The following KMT2C variants were observed in gnomAD, a reference collection of about 807,000 sequenced individuals.
KMT2C encodes lysine methyltransferase 2C.
KMT2C carries 88 observed loss-of-function variants against 507.9 expected under a neutral mutation model. That is an observed-to-expected ratio of 0.17 (90% CI 0.15 to 0.21). KMT2C has a LOEUF of 0.21. KMT2C is among the 10% of genes least tolerant of loss of function. The probability of loss-of-function intolerance (pLI) is 1.00; values close to 1 mark genes in which losing one functional copy is unlikely to be tolerated. For missense variants in KMT2C, 4,954 were observed against 5,957.8 expected (o/e 0.83, Z 5.55); for synonymous variants, 2,049 against 2,080.8 (o/e 0.98, Z 0.42).
intron 6 of KMT2C, among the ~76,000 whole-genome samples, chr7:152,295,894 G>A (rs904724725): frequency 3.3e-5 from 5 of 151,312 alleles, no homozygotes; most frequent in African/African-American, 4.9e-5. Context: ...GTGAAACCCC[G>A]TCTCTACTAA....
chr7:152,371,036 CTAAAAACA>C (rs1407885966), intron 1 of KMT2C, among the ~76,000 whole-genome samples: 2 of 152,084 alleles, frequency 1.3e-5, no homozygotes, highest in Non-Finnish European at 1.5e-5. Flanking sequence ...CAAAAGAACT[CTAAAAACA>C]TAAAAACATA....
At position 152,327,696 on chromosome 7, in the gene KMT2C, C is replaced by T. The variant is rs28642936; in HGVS notation, c.389+2905G>A. On this transcript the variant is annotated intron_variant, in intron 3 of 58. Coordinates refer to ENST00000262189, the MANE Select transcript of KMT2C (RefSeq NM_170606.3). Reference sequence around the variant, plus strand: ...ATATTGGGCCGGGCGCGGTGACTCACGCCTGTACTCCCAACACTTTGGGAG... The same window carrying T: ...ATATTGGGCCGGGCGCGGTGACTCATGCCTGTACTCCCAACACTTTGGGAG... 9.6e-3 allele frequency among the ~76,000 whole-genome samples: 1,455 copies of T among 152,190 alleles called. 26 individuals are homozygous for T. Among genetic ancestry groups the T allele is most frequent in the African/African-American group, 0.033 (1,368 of 41,546 alleles).
chr7:152,270,512 C>T (rs1444995093), intron 7 of KMT2C, among the ~76,000 whole-genome samples: 1 of 152,136 alleles, frequency 6.6e-6, no homozygotes, highest in Non-Finnish European at 1.5e-5. Context: ...AGCCTTTGTT[C>T]GCCTTGATGA....
At chr7:152,209,450 G>A (rs767275179) in intron 23 of KMT2C, among the ~76,000 whole-genome samples, 6 of 113,690 alleles carry the variant, frequency 5.3e-5, no homozygotes, top group African/African-American at 1.7e-4. Context: ...GCGGGACTCC[G>A]TCTCAAAAAA....
chr7:152,247,315 T>C (rs2095487264), intron 14 of KMT2C, among the ~76,000 whole-genome samples: 1 of 152,192 alleles, frequency 6.6e-6, no homozygotes, highest in African/African-American at 2.4e-5. Context: ...AAGGAAGATT[T>C]ATCTTTACTT....
chr7:152,414,536 GAAA>G (rs1225906501), intron 1 of KMT2C, among the ~76,000 whole-genome samples: 2 of 151,692 alleles, frequency 1.3e-5, no homozygotes, highest in Admixed American at 1.3e-4. Flanking sequence ...CTCAAAAAAA[GAAA>G]GAAACACACA....
intron 20 of KMT2C, among the ~76,000 whole-genome samples, chr7:152,223,411 C>T (rs1232613775): frequency 6.6e-6 from 1 of 151,916 alleles, no homozygotes; most frequent in Non-Finnish European, 1.5e-5. Context: ...GATTCAGAAA[C>T]CCTTCATAAG....
intron 9 of KMT2C, among the ~76,000 whole-genome samples, chr7:152,255,987 G>A (rs1351113250): frequency 2.0e-5 from 3 of 152,152 alleles, no homozygotes; most frequent in African/African-American, 4.8e-5. Flanking sequence ...TGGCCAACAT[G>A]GCAAAACCCT....
At chr7:152,415,176 T>A (rs2097722122) in intron 1 of KMT2C, among the ~76,000 whole-genome samples, 1 of 152,164 alleles carries the variant, frequency 6.6e-6, no homozygotes, top group African/African-American at 2.4e-5. Flanking sequence ...TTATTACTAG[T>A]CCTAGATTAT....
chr7:152,250,374 T>C (rs1250255023), intron 12 of KMT2C, among the ~76,000 whole-genome samples: 2 of 152,114 alleles, frequency 1.3e-5, no homozygotes, highest in African/African-American at 4.8e-5. Context: ...CAAGTAGTTT[T>C]CCCCCAACAT....
intron 1 of KMT2C, among the ~76,000 whole-genome samples, chr7:152,373,394 G>A (rs1303637752): frequency 6.6e-6 from 1 of 152,072 alleles, no homozygotes; most frequent in Non-Finnish European, 1.5e-5. Context: ...CTATAACTCA[G>A]GACAAAAATA....
At chr7:152,166,208 T>C (rs1355747778) in intron 42 of KMT2C, among the ~76,000 whole-genome samples, 1 of 150,222 alleles carries the variant, frequency 6.7e-6, no homozygotes, top group Admixed American at 6.6e-5. Context: ...CCACAACCTC[T>C]GACTCCTTGG....
At chr7:152,174,533 A>C (rs541058927) in intron 38 of KMT2C, among the ~76,000 whole-genome samples, 1 of 152,242 alleles carries the variant, frequency 6.6e-6, no homozygotes, top group African/African-American at 2.4e-5. Flanking sequence ...TTGCAATGCT[A>C]ATCAGAATGG....
At chr7:152,216,865 A>T (rs1483593236) in intron 23 of KMT2C, among the ~76,000 whole-genome samples, 1 of 152,224 alleles carries the variant, frequency 6.6e-6, no homozygotes, top group South Asian at 2.1e-4. Flanking sequence ...GCACTGGTTG[A>T]GCACTTGTAT....
chr7:152,363,432 C>T (rs1161826366), intron 1 of KMT2C, among the ~76,000 whole-genome samples: 2 of 152,138 alleles, frequency 1.3e-5, no homozygotes, highest in Non-Finnish European at 2.9e-5. Context: ...CCTAAAGTAA[C>T]ATAGGAGACT....
In KMT2C at chr7:152,343,643, T is replaced by TA. The variant is rs375526128; in HGVS notation, c.251-12905dup. ...CAAACTACACCTGGTCACATCATAT[T>TA]AAAAACCACAGAATACTGAAAAAAC... On this transcript the variant is annotated intron_variant, in intron 2 of 58. Coordinates refer to ENST00000262189, the MANE Select transcript of KMT2C (RefSeq NM_170606.3). 2.1e-3 allele frequency among the ~76,000 whole-genome samples: 319 copies of TA among 151,912 alleles called. 3 individuals carry two copies. Among genetic ancestry groups the TA allele is most frequent in the Middle Eastern group, 0.01 (3 of 294 alleles).
chr7:152,243,662 G>T (rs187807281), intron 14 of KMT2C, among the ~76,000 whole-genome samples: 1 of 152,146 alleles, frequency 6.6e-6, no homozygotes, highest in African/African-American at 2.4e-5. Context: ...ACGTGCGCCC[G>T]TAGTCCCCGC....
At chr7:152,357,151 C>T (rs993834165) in intron 2 of KMT2C, among the ~76,000 whole-genome samples, 7 of 150,300 alleles carry the variant, frequency 4.7e-5, no homozygotes, top group African/African-American at 1.2e-4. Context: ...TGCATGAGCC[C>T]GGCGGGTGGA....
Position 152,411,015 on chromosome 7 carries a change from T to C in KMT2C, c.161+24611A>G, listed in dbSNP as rs567353013. Among the ~76,000 whole-genome samples the C allele has an allele frequency of 1.6e-3, 247 of 151,324 alleles. 1 individual carries two copies. The highest frequency in any genetic ancestry group is 5.8e-3 in the African/African-American group (240 of 41,220). ...GAGACCAAGTCTCAAAAAAAATATA[T>C]ATATGGTGTGTGTATATATGTATAT... On this transcript the variant is annotated intron_variant, in intron 1 of 58. Transcript: ENST00000262189.
Sources: allele counts gnomAD v4.1 joint callset (sites outside exome capture counted in the v4.1 genomes callset), GRCh38; gene constraint gnomAD v4.1.1; transcripts MANE v1.5; gene names NCBI Gene and HGNC (gene_info 2026-07-23, HGNC 2026-07-21).